Variants in NTNG1 observed in about 807,000 individuals in gnomAD.
NTNG1 encodes the protein netrin-G1.
In NTNG1, 16 loss-of-function variants were observed where a neutral mutation model predicts 54.0. That is an observed-to-expected ratio of 0.30 (90% CI 0.20 to 0.45). The LOEUF (loss-of-function observed/expected upper bound fraction) is 0.45. Among genes scored for constraint, NTNG1 ranks in the 20% least tolerant of loss-of-function variants. The probability of loss-of-function intolerance (pLI) is 1.00; values close to 1 mark genes in which losing one functional copy is unlikely to be tolerated. For missense variants in NTNG1, 530 were observed against 678.7 expected (o/e 0.78, Z 2.43); for synonymous variants, 255 against 263.1 (o/e 0.97, Z 0.30).
chr1:107,221,367 C>A lies in NTNG1; in HGVS notation c.246+72528C>A, dbSNP rs112619559. Among the ~76,000 whole-genome samples the A allele has an allele frequency of 1.8e-3, 281 of 152,280 alleles. 1 individual carries two copies. Among genetic ancestry groups the A allele is most frequent in the African/African-American group, 6.4e-3 (265 of 41,558 alleles). ...TGTTTAAAAAGAAACAAGCAAACAC[C>A]TGCAAGGCAAAGCTGATCATGGCCT... is the stretch of plus-strand genomic sequence containing the variant. On this transcript the variant is annotated intron_variant, in intron 2 of 7. Coordinates refer to ENST00000370068, the MANE Select transcript of NTNG1 (RefSeq NM_001113226.3).
At chr1:107,284,747 A>C (rs1475484785) in intron 2 of NTNG1, among the ~76,000 whole-genome samples, 1 of 152,080 alleles carries the variant, frequency 6.6e-6, no homozygotes, top group Non-Finnish European at 1.5e-5. Flanking sequence ...TGGCATAACT[A>C]TGGGTGCTTT....
intron 4 of NTNG1, among the ~76,000 whole-genome samples, chr1:107,396,625 T>C (rs749418781): frequency 7.2e-5 from 11 of 152,164 alleles, no homozygotes; most frequent in Non-Finnish European, 1.6e-4. Context: ...CACAGACTCA[T>C]GAATTTGAAA....
At chr1:107,178,497 G>A (rs1656819514) in intron 2 of NTNG1, among the ~76,000 whole-genome samples, 1 of 151,506 alleles carries the variant, frequency 6.6e-6, no homozygotes, top group Non-Finnish European at 1.5e-5. Flanking sequence ...GTCCTAGGTA[G>A]GACCCATAGT....
intron 7 of NTNG1, among the ~76,000 whole-genome samples, chr1:107,468,609 C>T (rs371488114): frequency 8.1e-4 from 123 of 152,290 alleles, no homozygotes; most frequent in East Asian, 2.9e-3. Context: ...TTTCTCACCT[C>T]GGCTGTACTC....
At chr1:107,374,458 A>G (rs1671109748) in intron 3 of NTNG1, among the ~76,000 whole-genome samples, 1 of 151,894 alleles carries the variant, frequency 6.6e-6, no homozygotes, top group Admixed American at 6.5e-5. Flanking sequence ...TTCATTTTAA[A>G]CCATTTCTAT....
intron 2 of NTNG1, among the ~76,000 whole-genome samples, chr1:107,166,694 A>AT (rs746484740): frequency 4.0e-4 from 60 of 150,268 alleles, no homozygotes; most frequent in Admixed American, 1.2e-3. Context: ...GGAGTTTTTA[A>AT]TTTTTTTTTT....
chr1:107,433,397 T>C lies in NTNG1; in HGVS notation c.1255+2480T>C, dbSNP rs139690619. Among the ~76,000 whole-genome samples the C allele has an allele frequency of 3.8e-3, 575 of 152,084 alleles. 15 individuals carry two copies. Among genetic ancestry groups the C allele is most frequent in the Admixed American group, 0.031 (479 of 15,272 alleles). Reference sequence around the variant, plus strand: ...CATCTCTACTGAAAGAGATAAAAAATTAGCTGAGCGTGGTGGCCTGTGCCT... The same window carrying C: ...CATCTCTACTGAAAGAGATAAAAAACTAGCTGAGCGTGGTGGCCTGTGCCT... On this transcript the variant is annotated intron_variant, in intron 6 of 7. Transcript: ENST00000370068.
At chr1:107,272,270 C>T (rs1016354870) in intron 2 of NTNG1, among the ~76,000 whole-genome samples, 60 of 152,144 alleles carry the variant, frequency 3.9e-4, no homozygotes, top group African/African-American at 1.3e-3. Flanking sequence ...GTCTCTTTCT[C>T]GAATAATGTT....
At chr1:107,147,125 C>T (rs1402979515) in intron 1 of NTNG1, among the ~76,000 whole-genome samples, 1 of 152,060 alleles carries the variant, frequency 6.6e-6, no homozygotes, top group African/African-American at 2.4e-5. Context: ...GCCAGTTAAA[C>T]TCACCAATGA....
intron 2 of NTNG1, among the ~76,000 whole-genome samples, chr1:107,284,017 G>A (rs1557868597): frequency 6.6e-6 from 1 of 152,108 alleles, no homozygotes; most frequent in Non-Finnish European, 1.5e-5. Flanking sequence ...TCAGGCAAAT[G>A]TTATCTTCCC....
At chr1:107,251,586 G>T (rs1052001184) in intron 2 of NTNG1, among the ~76,000 whole-genome samples, 1 of 151,872 alleles carries the variant, frequency 6.6e-6, no homozygotes, top group Admixed American at 6.6e-5. Context: ...CTATTCCCTG[G>T]CCATAAAACC....
chr1:107,237,984 C>G (rs765438499), intron 2 of NTNG1, among the ~76,000 whole-genome samples: 3 of 152,100 alleles, frequency 2.0e-5, no homozygotes, highest in Non-Finnish European at 1.5e-5. Context: ...AGAAGAGGGC[C>G]ACCGTCCTCC....
chr1:107,312,218 A>G (rs771435889), intron 2 of NTNG1, among the ~76,000 whole-genome samples: 13 of 152,302 alleles, frequency 8.5e-5, no homozygotes, highest in Non-Finnish European at 1.6e-4. Context: ...GCGGTGAAAA[A>G]TTTCATCTGT....
intron 3 of NTNG1, among the ~76,000 whole-genome samples, chr1:107,346,124 C>CA (rs1669211897): frequency 6.6e-6 from 1 of 151,760 alleles, no homozygotes. Flanking sequence ...CTATAGATTT[C>CA]AAAAAAGGAA....
chr1:107,165,806 G>A (rs1168449404), intron 2 of NTNG1, among the ~76,000 whole-genome samples: 4 of 152,192 alleles, frequency 2.6e-5, no homozygotes, highest in South Asian at 2.1e-4. Flanking sequence ...TATTTATTAT[G>A]TCAAAGTAAC....
At chr1:107,290,183 A>G (rs942452321) in intron 2 of NTNG1, among the ~76,000 whole-genome samples, 16 of 152,306 alleles carry the variant, frequency 1.1e-4, no homozygotes, top group African/African-American at 3.8e-4. Context: ...TGACTAAGCT[A>G]TTTGTGTTAT....
At chr1:107,400,005 A>G (rs960164174) in intron 4 of NTNG1, among the ~76,000 whole-genome samples, 1 of 152,202 alleles carries the variant, frequency 6.6e-6, no homozygotes, top group Non-Finnish European at 1.5e-5. Context: ...TTTTTTCTTG[A>G]CATTCTAGCC....
intron 2 of NTNG1, among the ~76,000 whole-genome samples, chr1:107,311,323 T>C (rs1453607606): frequency 6.6e-6 from 1 of 152,098 alleles, no homozygotes; most frequent in Non-Finnish European, 1.5e-5. Context: ...AAGATAGGAT[T>C]AGGGAAAGAG....
At chr1:107,406,801 A>C (rs1673456180) in intron 4 of NTNG1, among the ~76,000 whole-genome samples, 1 of 152,126 alleles carries the variant, frequency 6.6e-6, no homozygotes. Flanking sequence ...GAGGTAAAAA[A>C]CTGAGCTACA....
Sources: allele counts gnomAD v4.1 joint callset (sites outside exome capture counted in the v4.1 genomes callset), GRCh38; gene constraint gnomAD v4.1.1; transcripts MANE v1.5; gene names NCBI Gene and HGNC (gene_info 2026-07-23, HGNC 2026-07-21).